The following TDP1 variants were observed in gnomAD, a reference collection of about 807,000 sequenced individuals.
TDP1 encodes the protein tyr-DNA phosphodiesterase 1.
In TDP1, 64 loss-of-function variants were observed where a neutral mutation model predicts 81.5. That is an observed-to-expected ratio of 0.79 (90% confidence interval 0.64 to 0.97). The LOEUF (loss-of-function observed/expected upper bound fraction) is 0.97. TDP1 is among the 50% of genes least tolerant of loss of function. The pLI is 0.00. For missense variants in TDP1, 723 were observed against 743.8 expected, an observed-to-expected ratio of 0.97 and a Z score of 0.33; for synonymous variants, 256 against 264.3, an observed-to-expected ratio of 0.97 and a Z score of 0.30.
At chr14:90,009,031 T>C (rs1884380904) in intron 14 of TDP1, among the ~76,000 whole-genome samples, 1 of 152,250 alleles carries the variant, frequency 6.6e-6, no homozygotes, top group Non-Finnish European at 1.5e-5. Flanking sequence ...AGTATACTTA[T>C]TTTTAACTCG....
intron 10 of TDP1, among the ~76,000 whole-genome samples, chr14:89,986,226 A>G (rs1327572534): frequency 6.6e-6 from 1 of 152,254 alleles, no homozygotes; most frequent in Non-Finnish European, 1.5e-5. Context: ...GAAGTTCAGC[A>G]CATTGGCCTG....
intron 10 of TDP1, among the ~76,000 whole-genome samples, chr14:89,987,503 A>G (rs1245632051): frequency 6.6e-6 from 1 of 152,218 alleles, no homozygotes; most frequent in Non-Finnish European, 1.5e-5. Flanking sequence ...CACTTTTAAA[A>G]GGGGCCTAGC....
chr14:90,031,868 C>G (rs1480194314), intron 15 of TDP1, among the ~76,000 whole-genome samples: 4 of 152,236 alleles, frequency 2.6e-5, no homozygotes, highest in Non-Finnish European at 5.9e-5. Context: ...GAGGCTTCCA[C>G]TGATCACCCG....
chr14:90,020,364 C>CTCCCTCCCTCCCTCCT (rs1885840439), intron 15 of TDP1, among the ~76,000 whole-genome samples: 1 of 142,706 alleles, frequency 7.0e-6, no homozygotes, highest in African/African-American at 2.9e-5. Context: ...TCCTCCCTCC[C>CTCCCTCCCTCCCTCCT]TCCCTCCCTC....
chr14:90,032,093 G>A (rs755746572), intron 15 of TDP1, among the ~76,000 whole-genome samples: 2 of 152,120 alleles, frequency 1.3e-5, no homozygotes, highest in African/African-American at 2.4e-5. Context: ...CCAGAAGAGG[G>A]ACTCGAGAAA....
At chr14:89,984,758 A>AG in intron 9 of TDP1, 75 bp downstream of exon 9, 1 of 1,603,054 alleles carries the variant, frequency 6.2e-7, no homozygotes, top group Non-Finnish European at 8.5e-7. Flanking sequence ...TCTGGCATGC[A>AG]GGGGCCTGGA....
At chr14:89,980,426 G>A (rs1596544437) in intron 7 of TDP1, 114 bp from the exon 8 acceptor site, 3 of 1,411,066 alleles carry the variant, frequency 2.1e-6, no homozygotes, top group Non-Finnish European at 2.9e-6. Flanking sequence ...TTAAGTTTGG[G>A]TAATATGAGA....
At chr14:89,994,247 A>G (rs983537451) in intron 14 of TDP1, among the ~76,000 whole-genome samples, 10 of 152,220 alleles carry the variant, frequency 6.6e-5, no homozygotes, top group African/African-American at 2.4e-4. Context: ...AAACTTTTAA[A>G]CAAAAGAGCC....
chr14:89,971,165 C>A lies in TDP1; in HGVS notation c.660-10C>A. The A allele has an allele frequency of 6.2e-7, 1 of 1,611,720 alleles. No homozygotes were observed. On this transcript the variant is annotated splice_polypyrimidine_tract_variant and intron_variant, in intron 5 of 16. Coordinates refer to ENST00000335725, the MANE Select transcript of TDP1 (RefSeq NM_018319.4). ...ATGATGTATATTAAATACTAATGCTCTCTTTTTAGGAAGAAGCCAATCCTG... is the reference window on the plus strand; with the variant it reads ...ATGATGTATATTAAATACTAATGCTATCTTTTTAGGAAGAAGCCAATCCTG...
chr14:90,024,721 C>A (rs1334629104), intron 15 of TDP1, among the ~76,000 whole-genome samples: 1 of 152,146 alleles, frequency 6.6e-6, no homozygotes, highest in Admixed American at 6.6e-5. Flanking sequence ...AAATGCCAAT[C>A]CCTATAAATT....
chr14:90,021,988 G>T (rs1757883416), intron 15 of TDP1, among the ~76,000 whole-genome samples: 1 of 152,180 alleles, frequency 6.6e-6, no homozygotes, highest in African/African-American at 2.4e-5. Flanking sequence ...TGTCCCTTTG[G>T]TTGGGCTGTG....
chr14:90,017,936 A>G (rs1045319470), intron 14 of TDP1, among the ~76,000 whole-genome samples: 7 of 152,172 alleles, frequency 4.6e-5, no homozygotes, highest in Admixed American at 2.6e-4. Context: ...TGTCCTCAAT[A>G]TGGTTCATTT....
At chr14:89,962,832 A>ACTG in intron 2 of TDP1, 7 of 791,636 alleles carry the variant, frequency 8.8e-6, no homozygotes, top group Non-Finnish European at 1.1e-5. Context: ...AGATTGAACC[A>ACTG]CTGCACCACT....
intron 16 of TDP1, among the ~76,000 whole-genome samples, chr14:90,034,615 A>G (rs982978547): frequency 1.3e-5 from 2 of 152,230 alleles, no homozygotes; most frequent in African/African-American, 4.8e-5. Context: ...ACAGGATGAG[A>G]TATATAATCA....
intron 10 of TDP1, among the ~76,000 whole-genome samples, chr14:89,987,728 C>T (rs1250689630): frequency 1.3e-5 from 2 of 152,094 alleles, no homozygotes; most frequent in Non-Finnish European, 2.9e-5. Flanking sequence ...AAGTTCTGCT[C>T]TGGAGCTTCT....
intron 15 of TDP1, among the ~76,000 whole-genome samples, chr14:90,032,056 C>T (rs1402677764): frequency 6.6e-6 from 1 of 152,196 alleles, no homozygotes; most frequent in Non-Finnish European, 1.5e-5. Context: ...AACTCTTGTA[C>T]ACTCAGTGCC....
At chr14:90,003,398 A>G (rs1897353862) in intron 14 of TDP1, among the ~76,000 whole-genome samples, 1 of 152,146 alleles carries the variant, frequency 6.6e-6, no homozygotes, top group Non-Finnish European at 1.5e-5. Context: ...GGTTACTTTT[A>G]TGGAGAGATA....
intron 7 of TDP1, among the ~76,000 whole-genome samples, chr14:89,976,875 TG>T (rs1894400044): frequency 6.6e-6 from 1 of 151,866 alleles, no homozygotes; most frequent in Non-Finnish European, 1.5e-5. Context: ...CCTAGGAGGC[TG>T]GGCGCTGTGG....
chr14:90,030,918 A>C, intron 15 of TDP1, among the ~76,000 whole-genome samples: 1 of 150,796 alleles, frequency 6.6e-6, no homozygotes. Context: ...GGCACACACC[A>C]CCACTCCAGT....
Sources: gnomAD v4.1 joint callset for allele counts (sites outside exome capture counted in the v4.1 genomes callset) on GRCh38, gnomAD v4.1.1 for gene constraint, MANE v1.5 for transcripts, NCBI Gene and HGNC (gene_info 2026-07-23, HGNC 2026-07-21) for gene names.